Variants in OPCML observed in about 807,000 individuals in gnomAD.
OPCML encodes opioid binding protein/cell adhesion molecule like.
OPCML carries 13 observed loss-of-function variants against 37.8 expected under a neutral mutation model. That is an observed-to-expected ratio of 0.34 (90% confidence interval 0.22 to 0.55). The LOEUF is 0.55. Ranked by LOEUF, OPCML falls within the 20% of genes least tolerant of loss-of-function variation. The pLI is 0.91. For missense variants in OPCML, 341 were observed against 435.6 expected, an observed-to-expected ratio of 0.78 and a Z score of 1.93; for synonymous variants, 176 against 168.8, an observed-to-expected ratio of 1.04 and a Z score of -0.33.
At chr11:133,246,329 G>A (rs1940925205) in intron 1 of OPCML, among the ~76,000 whole-genome samples, 1 of 152,318 alleles carries the variant, frequency 6.6e-6, no homozygotes. Context: ...AACAGAGTTA[G>A]AGAACATCAT....
chr11:133,187,419 T>A (rs1938130249), intron 1 of OPCML, among the ~76,000 whole-genome samples: 1 of 152,098 alleles, frequency 6.6e-6, no homozygotes, highest in African/African-American at 2.4e-5. Context: ...TCAGGCCTGA[T>A]GGTTTCCACC....
intron 1 of OPCML, among the ~76,000 whole-genome samples, chr11:133,217,038 G>T (rs1313026245): frequency 1.3e-5 from 2 of 152,164 alleles, no homozygotes; most frequent in Non-Finnish European, 2.9e-5. Flanking sequence ...CTTGCAGATT[G>T]TTGCTAAAGA....
At chr11:132,593,371 GC>G (rs1189989784) in intron 3 of OPCML, among the ~76,000 whole-genome samples, 5 of 152,112 alleles carry the variant, frequency 3.3e-5, no homozygotes, top group African/African-American at 1.2e-4. Context: ...CAAAGAGCAT[GC>G]ATTGTATTCC....
chr11:133,004,031 G>A, intron 1 of OPCML: 1 of 985,388 alleles, frequency 1.0e-6, no homozygotes, highest in South Asian at 4.7e-5. Context: ...TCTGGAGTCA[G>A]GCGGAAATGC....
chr11:132,554,035 C>G (rs2096388548), intron 3 of OPCML, among the ~76,000 whole-genome samples: 1 of 152,182 alleles, frequency 6.6e-6, no homozygotes, highest in South Asian at 2.1e-4. Context: ...TGCCAGGGAC[C>G]TTTCTGGGAA....
rs141183622 is a variant in OPCML, at chr11:133,473,611, C to A, written c.61+58653G>T. 2.5e-3 allele frequency among the ~76,000 whole-genome samples: 386 copies of A among 152,190 alleles called. 3 individuals are homozygous for A. Among genetic ancestry groups the A allele is most frequent in the African/African-American group, 9.0e-3 (373 of 41,520 alleles). ...GACGAGACTCAAAAAGAGAGGGGAGCCGTCTTGAGATCTCTATGCATAATC... is the reference window on the plus strand; with the variant it reads ...GACGAGACTCAAAAAGAGAGGGGAGACGTCTTGAGATCTCTATGCATAATC... On this transcript the variant is annotated intron_variant, in intron 1 of 7. Transcript: ENST00000524381.
intron 1 of OPCML, among the ~76,000 whole-genome samples, chr11:133,520,954 C>G (rs557547141): frequency 6.6e-6 from 1 of 152,268 alleles, no homozygotes; most frequent in East Asian, 1.9e-4. Context: ...CAGGAGTTCC[C>G]TGGATAGGCC....
At chr11:132,876,265 A>G (rs1943006621) in intron 2 of OPCML, among the ~76,000 whole-genome samples, 1 of 152,222 alleles carries the variant, frequency 6.6e-6, no homozygotes, top group Non-Finnish European at 1.5e-5. Context: ...CAGTGCTCAC[A>G]GAAGGAGGGG....
chr11:132,802,100 T>G (rs2136204941), intron 2 of OPCML, among the ~76,000 whole-genome samples: 1 of 152,298 alleles, frequency 6.6e-6, no homozygotes, highest in African/African-American at 2.4e-5. Context: ...CCTTTTCTTT[T>G]TGACCATCAG....
intron 1 of OPCML, among the ~76,000 whole-genome samples, chr11:133,163,666 A>C (rs1248147191): frequency 6.6e-6 from 1 of 152,114 alleles, no homozygotes; most frequent in Non-Finnish European, 1.5e-5. Context: ...TTTTCTCCAA[A>C]CATTTCAGTG....
At chr11:133,467,906 T>C (rs1947013524) in intron 1 of OPCML, among the ~76,000 whole-genome samples, 1 of 152,162 alleles carries the variant, frequency 6.6e-6, no homozygotes, top group African/African-American at 2.4e-5. Flanking sequence ...TTTGTTTATA[T>C]CACAATAGAT....
chr11:133,136,055 A>C (rs976356265), intron 1 of OPCML, among the ~76,000 whole-genome samples: 3 of 152,316 alleles, frequency 2.0e-5, no homozygotes, highest in Non-Finnish European at 4.4e-5. Flanking sequence ...CAAAAGACCT[A>C]AGAATCTAGC....
chr11:133,209,099 G>A (rs1288570426), intron 1 of OPCML, among the ~76,000 whole-genome samples: 1 of 152,130 alleles, frequency 6.6e-6, no homozygotes, highest in Non-Finnish European at 1.5e-5. Flanking sequence ...CACTCTTAAA[G>A]CATTCTGCCA....
chr11:132,430,729 A>C (rs1215729700), intron 7 of OPCML, among the ~76,000 whole-genome samples: 1 of 152,144 alleles, frequency 6.6e-6, no homozygotes, highest in Non-Finnish European at 1.5e-5. Flanking sequence ...AATGTGAGAA[A>C]TTTGTTTTTC....
At chr11:132,571,597 CAG>C (rs1210248671) in intron 3 of OPCML, among the ~76,000 whole-genome samples, 1 of 152,172 alleles carries the variant, frequency 6.6e-6, no homozygotes, top group Non-Finnish European at 1.5e-5. Context: ...TCACATATTG[CAG>C]AGTTTCCTTT....
intron 1 of OPCML, among the ~76,000 whole-genome samples, chr11:133,150,072 A>G (rs1416785866): frequency 6.6e-6 from 1 of 152,264 alleles, no homozygotes; most frequent in Non-Finnish European, 1.5e-5. Context: ...TCTCTGGGCC[A>G]GGCCCAGGCC....
chr11:132,609,802 C>A (rs539592291), intron 3 of OPCML, among the ~76,000 whole-genome samples: 40 of 152,332 alleles, frequency 2.6e-4, no homozygotes, highest in African/African-American at 8.7e-4. Flanking sequence ...ACCTACCTAC[C>A]TCTCTTCAAT....
At chr11:133,081,259 C>A (rs773922932) in intron 1 of OPCML, among the ~76,000 whole-genome samples, 7 of 152,218 alleles carry the variant, frequency 4.6e-5, no homozygotes, top group South Asian at 2.1e-4. Flanking sequence ...ACAGTTAATT[C>A]TCCGTTTCCT....
intron 1 of OPCML, among the ~76,000 whole-genome samples, chr11:133,391,232 T>C (rs1945168306): frequency 6.6e-6 from 1 of 152,184 alleles, no homozygotes; most frequent in Non-Finnish European, 1.5e-5. Context: ...TCCCTCCTAG[T>C]GAGATGTGCC....
Sources: gnomAD v4.1 joint callset for allele counts (sites outside exome capture counted in the v4.1 genomes callset) on GRCh38, gnomAD v4.1.1 for gene constraint, MANE v1.5 for transcripts, NCBI Gene and HGNC (gene_info 2026-07-23, HGNC 2026-07-21) for gene names.